The following COL5A1 variants were observed in gnomAD, a reference collection of about 807,000 sequenced individuals.
COL5A1 encodes collagen type V alpha 1 chain.
In COL5A1, 16 loss-of-function variants were observed where a neutral mutation model predicts 263.7. The observed-to-expected ratio is 0.06, with a 90% CI of 0.04 to 0.09. The LOEUF (loss-of-function observed/expected upper bound fraction) is 0.09. Among genes scored for constraint, COL5A1 ranks in the 10% least tolerant of loss-of-function variants. The probability of loss-of-function intolerance (pLI) is 1.00; values close to 1 mark genes in which losing one functional copy is unlikely to be tolerated. For missense variants in COL5A1, 2,036 were observed against 2,540.5 expected (o/e 0.80, Z 4.27); for synonymous variants, 1,012 against 1,004.5 (o/e 1.01, Z -0.14).
intron 1 of COL5A1, among the ~76,000 whole-genome samples, chr9:134,670,267 C>G (rs1219825343): frequency 6.6e-6 from 1 of 152,184 alleles, no homozygotes; most frequent in Non-Finnish European, 1.5e-5. Flanking sequence ...TTCTGTCTCT[C>G]TGATTATTTC....
chr9:134,822,718 G>GCCCC lies in COL5A1; in HGVS notation c.4609-279_4609-278insCCCC, dbSNP rs370666409. On this transcript the variant is annotated intron_variant, in intron 59 of 65. Transcript: ENST00000371817. ...GAGCCAGGACATGCTCTTTTCCGCT[G>GCCCC]CGCCCCCCCCGCGGCTGTCTGAGCT... Among the ~76,000 whole-genome samples, 228 of 143,084 alleles carry GCCCC rather than the reference G, an allele frequency of 1.6e-3. 5 individuals are homozygous for GCCCC. The highest frequency in any genetic ancestry group is 5.8e-3 in the African/African-American group (201 of 34,640). The allele number at this position is 143,084 out of a possible 152,430, so 93.9% of individuals were successfully genotyped here.
chr9:134,687,094 G>A (rs926520385), intron 1 of COL5A1, among the ~76,000 whole-genome samples: 2 of 152,162 alleles, frequency 1.3e-5, no homozygotes, highest in Non-Finnish European at 2.9e-5. Context: ...TGCCAATGCC[G>A]CCTGGTGCCC....
At chr9:134,764,033 T>C (rs1156796397) in intron 20 of COL5A1, among the ~76,000 whole-genome samples, 1 of 76,090 alleles carries the variant, frequency 1.3e-5, no homozygotes, top group Non-Finnish European at 2.5e-5. Flanking sequence ...TTGTGGGGAG[T>C]CGGGGGCAGT....
At chr9:134,751,763 A>C (rs73568479) in intron 13 of COL5A1, among the ~76,000 whole-genome samples, 26,609 of 152,176 alleles carry the variant, frequency 0.17, 2,493 homozygotes, top group East Asian at 0.34. Flanking sequence ...CAGCCAGAGT[A>C]GATGTTAATG....
chr9:134,775,008 A>C, intron 27 of COL5A1, 96 bp downstream of exon 27: 1 of 1,147,518 alleles, frequency 8.7e-7, no homozygotes, highest in Non-Finnish European at 1.3e-6. Context: ...TCTGTGGTTT[A>C]ATGTCCCTGC....
intron 37 of COL5A1, among the ~76,000 whole-genome samples, chr9:134,800,687 G>T (rs1376744506): frequency 6.9e-6 from 1 of 145,982 alleles, no homozygotes; most frequent in Non-Finnish European, 1.5e-5. Context: ...GGAGGCTGCC[G>T]TGAGCCGAGA....
intron 11 of COL5A1, among the ~76,000 whole-genome samples, chr9:134,744,476 T>G (rs901323389): frequency 6.7e-6 from 1 of 149,242 alleles, no homozygotes; most frequent in Non-Finnish European, 1.5e-5. Context: ...TACATACACG[T>G]ATGCATGCAC....
chr9:134,711,048 C>T (rs1398853726), intron 4 of COL5A1, among the ~76,000 whole-genome samples: 2 of 151,884 alleles, frequency 1.3e-5, no homozygotes, highest in Non-Finnish European at 2.9e-5. Context: ...GGGAGGGGAC[C>T]ACTTGGGGGG....
chr9:134,765,023 T>C lies in COL5A1; in HGVS notation c.2035-658T>C, dbSNP rs1654114505. On this transcript the variant is annotated intron_variant, in intron 20 of 65. Coordinates refer to ENST00000371817, the MANE Select transcript of COL5A1 (RefSeq NM_000093.5). The surrounding 1 kb of genome is among the most constrained non-coding windows in gnomAD (Gnocchi z 5.1). Reference sequence around the variant, plus strand: ...CCGTGGGTGGGGGGTGTGAGTGCCCTGTGGCAGGCAGTTCTCCCGGAATCT... The same window carrying C: ...CCGTGGGTGGGGGGTGTGAGTGCCCCGTGGCAGGCAGTTCTCCCGGAATCT... 6.6e-6 allele frequency among the ~76,000 whole-genome samples: 1 copy of C among 152,148 alleles called. No homozygotes were observed. Among genetic ancestry groups the C allele is most frequent in the Admixed American group, 6.5e-5 (1 of 15,276 alleles).
At chr9:134,805,341 G>T in intron 41 of COL5A1, 127 bp downstream of exon 41, 1 of 1,113,420 alleles carries the variant, frequency 9.0e-7, no homozygotes, top group South Asian at 1.2e-5. Context: ...GGATGTGGAG[G>T]GGGGAAAATG....
rs16832 is a variant in COL5A1, at chr9:134,690,734, G to A, written c.110-178G>A. 0.59 allele frequency among the ~76,000 whole-genome samples: 88,957 copies of A among 151,992 alleles called. 28,803 individuals carry two copies. Among genetic ancestry groups the A allele is most frequent in the Non-Finnish European group, 0.73 (49,357 of 67,964 alleles). On this transcript the variant is annotated intron_variant, in intron 1 of 65. Transcript: ENST00000371817. The stretch of plus-strand genomic sequence containing the variant: ...GGGGACAAGGATGGGACCCTCCTCC[G>A]CAGCGTGGTGCCCTGCCTCGCCCAG...
Position 134,810,129 on chromosome 9 carries a change from G to A in COL5A1, c.3475-126G>A, listed in dbSNP as rs1050265187. Reference sequence around the variant, plus strand: ...TAATATATGGAAACATTTATTCGTAGGAAAGTTTTAGGGCCACCTGGAAAG... The same window carrying A: ...TAATATATGGAAACATTTATTCGTAAGAAAGTTTTAGGGCCACCTGGAAAG... On this transcript the variant is annotated intron_variant, in intron 43 of 65. Coordinates refer to ENST00000371817, the MANE Select transcript of COL5A1 (RefSeq NM_000093.5). 4.0e-6 allele frequency: 4 copies of A among 991,452 alleles called. No individual in the cohort carries two copies. In the African/African-American group the frequency reaches 6.4e-5, roughly 16 times the overall value. The allele number at this position is 991,452 out of a possible 1,614,324, so 61.4% of individuals were successfully genotyped here. A position where few individuals can be genotyped will look rare whatever the true frequency, so the allele number is the denominator to read the frequency against.
intron 1 of COL5A1, among the ~76,000 whole-genome samples, chr9:134,643,404 C>G (rs1184925236): frequency 1.3e-5 from 2 of 152,204 alleles, no homozygotes; most frequent in Non-Finnish European, 1.5e-5. Context: ...CGCCGCCTGC[C>G]AGCAAGAATG....
chr9:134,826,061 G>A (rs529078759), intron 63 of COL5A1, among the ~76,000 whole-genome samples, 157 bp downstream of exon 63: 1 of 152,378 alleles, frequency 6.6e-6, no homozygotes, highest in Non-Finnish European at 1.5e-5. Context: ...AAGTAGACCT[G>A]AAATTGTTTT....
rs1439876560 is a variant in COL5A1 at position 134,823,457 on chromosome 9, C to G, written c.4686C>G (p.Pro1562=). ...GPKGEAGHPG[P]PGPPGPPGEV... is the part of the protein sequence containing the mutation. ...AGGGTGAGGCAGGCCACCCAGGACC[C>G]CCAGGCCCCCCGGTAAGTAGCCCTT... Residue 1562 remains proline (P), a synonymous_variant, in exon 61 of 66, where the codon CCC becomes CCG. Coordinates refer to ENST00000371817, the MANE Select transcript of COL5A1 (RefSeq NM_000093.5). 2 of 1,614,072 alleles carry G rather than the reference C, an allele frequency of 1.2e-6. No individual in the cohort carries two copies. The highest frequency in any genetic ancestry group is 2.7e-5 in the African/African-American group (2 of 74,932).
rs1248775327 is a variant in COL5A1, at chr9:134,817,646, G to A, written c.4177-132G>A. 6.1e-6 allele frequency: 5 copies of A among 818,550 alleles called. No individual in the cohort carries two copies. In the South Asian group the frequency reaches 7.3e-5, roughly 12 times the overall value. The allele number at this position is 818,550 out of a possible 1,614,324, so 50.7% of individuals were successfully genotyped here. On this transcript the variant is annotated intron_variant, in intron 53 of 65. Coordinates refer to ENST00000371817, the MANE Select transcript of COL5A1 (RefSeq NM_000093.5). Reference sequence around the variant, plus strand: ...TGCCCTGCAGCCCGGCACACCCTGAGCACCTGCACCCGAGCTCGTCCCTCT... The same window carrying A: ...TGCCCTGCAGCCCGGCACACCCTGAACACCTGCACCCGAGCTCGTCCCTCT...
intron 11 of COL5A1, among the ~76,000 whole-genome samples, chr9:134,743,864 C>T (rs1468609633): frequency 6.6e-6 from 1 of 152,186 alleles, no homozygotes; most frequent in African/African-American, 2.4e-5. Flanking sequence ...GTAAGCCATG[C>T]CCTGAAAAAC....
In COL5A1 at chr9:134,741,509, T is replaced by C. The variant is rs1387554088; in HGVS notation, c.1494+2701T>C. 6.6e-6 allele frequency among the ~76,000 whole-genome samples: 1 copy of C among 151,964 alleles called. No individual in the cohort carries two copies. Among genetic ancestry groups the C allele is most frequent in the Non-Finnish European group, 1.5e-5 (1 of 68,002 alleles). ...TGGAGGAACGAATGGAAGATTAAGG[T>C]TATCTTGGCAAAGTCTGTTGATGCA... is the stretch of plus-strand genomic sequence containing the variant. On this transcript the variant is annotated intron_variant, in intron 11 of 65. Transcript: ENST00000371817. This position sits in a 1 kb window ranked among gnomAD's most constrained non-coding sequence, Gnocchi z 4.5.
At chr9:134,668,055 G>T (rs1367473381) in intron 1 of COL5A1, among the ~76,000 whole-genome samples, 1 of 152,110 alleles carries the variant, frequency 6.6e-6, no homozygotes, top group Non-Finnish European at 1.5e-5. Context: ...AGGCACTTTG[G>T]GTCAGTCATA....
Sources: allele counts gnomAD v4.1 joint callset (sites outside exome capture counted in the v4.1 genomes callset), GRCh38; gene constraint gnomAD v4.1.1; non-coding constraint Gnocchi (gnomAD v3.1); transcripts MANE v1.5; gene names NCBI Gene and HGNC (gene_info 2026-07-23, HGNC 2026-07-21).